TSHZ2: variants seen among roughly 807,000 people sequenced by gnomAD.
The protein encoded by TSHZ2 is teashirt homolog 2.
Under a neutral mutation model 74.4 loss-of-function variants are expected in TSHZ2, and 21 were observed. The observed-to-expected ratio is 0.28, with a 90% CI of 0.20 to 0.41. The LOEUF is 0.41. Among genes scored for constraint, TSHZ2 ranks in the 10% least tolerant of loss-of-function variants. TSHZ2 has a pLI of 1.00. For synonymous variants in TSHZ2, 540 were observed against 515.3 expected (o/e 1.05, Z -0.65); for missense variants, 1,244 against 1,293.5 (o/e 0.96, Z 0.59).
chr20:53,042,509 ATTG>A (rs1984077648), intron 1 of TSHZ2, among the ~76,000 whole-genome samples: 1 of 152,146 alleles, frequency 6.6e-6, no homozygotes, highest in Admixed American at 6.5e-5. Flanking sequence ...CAGTACTATT[ATTG>A]TTATTATGGA....
At chr20:53,065,407 C>CA (rs1439336225) in intron 1 of TSHZ2, among the ~76,000 whole-genome samples, 12 of 150,996 alleles carry the variant, frequency 7.9e-5, no homozygotes, top group Non-Finnish European at 1.3e-4. Flanking sequence ...GCAGAAGGAA[C>CA]AAAAAAAAGA....
In TSHZ2 at chr20:53,255,250, A is replaced by T. The variant is rs1990440251; in HGVS notation, c.1792A>T (p.Thr598Ser). Residue 598 changes from threonine (T) to serine (S), a missense_variant, in exon 2 of 3, where the codon ACT (threonine) becomes TCT (serine). Around this residue, in one of 6 missense-constraint regions of TSHZ2, gnomAD observed 562 missense variants for 544.0 expected, o/e 1.03. Transcript: ENST00000371497. This position sits in a 1 kb window ranked among gnomAD's most constrained non-coding sequence, Gnocchi z 4.1. ...TATGCCCACACACCTGGCCCCTTAC[A>T]CTCAAGTCAAGAAAGAGTCAGAAGA... The part of the protein sequence containing the change: ...VSMPTHLAPY[T>S]QVKKESEDKD... The T allele has an allele frequency of 6.2e-7, 1 of 1,614,202 alleles. No homozygotes were observed. Among genetic ancestry groups the T allele is most frequent in the Non-Finnish European group, 8.5e-7 (1 of 1,180,020 alleles).
intron 2 of TSHZ2, chr20:53,399,250 G>A (rs953048559): frequency 2.6e-5 from 4 of 152,160 alleles, no homozygotes; most frequent in South Asian, 2.1e-4. Flanking sequence ...AATAAAGGAC[G>A]AGTCTTTGAA....
intron 2 of TSHZ2, among the ~76,000 whole-genome samples, chr20:53,356,133 G>T (rs1980837795): frequency 6.6e-6 from 1 of 152,166 alleles, no homozygotes; most frequent in Admixed American, 6.6e-5. Flanking sequence ...TTTAATTGAT[G>T]CTATGATGTA....
intron 1 of TSHZ2, among the ~76,000 whole-genome samples, chr20:53,020,298 A>T (rs998852240): frequency 6.6e-6 from 1 of 152,044 alleles, no homozygotes; most frequent in Non-Finnish European, 1.5e-5. Context: ...TTTTATTCTC[A>T]TTCTTCCTTT....
intron 1 of TSHZ2, among the ~76,000 whole-genome samples, chr20:52,985,858 C>T (rs1284034612): frequency 6.6e-6 from 1 of 152,182 alleles, no homozygotes; most frequent in East Asian, 1.9e-4. Context: ...CAAGCCCAAC[C>T]TTGAACATTA....
rs181329715 is a variant in TSHZ2 at position 53,218,788 on chromosome 20, T to G, written c.41-34711T>G. 5.3e-5 allele frequency among the ~76,000 whole-genome samples: 8 copies of G among 152,330 alleles called. No individual in the cohort carries two copies. In the East Asian group the frequency reaches 1.3e-3, roughly 26 times the overall value. The stretch of plus-strand genomic sequence containing the variant: ...AATTCGAGAAAAATAAGAGAGAGCA[T>G]CTTTCTTTACAGTGATGAAGATATT... On this transcript the variant is annotated intron_variant, in intron 1 of 2. Coordinates refer to ENST00000371497, the MANE Select transcript of TSHZ2 (RefSeq NM_173485.6).
intron 1 of TSHZ2, among the ~76,000 whole-genome samples, chr20:53,053,697 ACT>A (rs1275843474): frequency 6.6e-6 from 1 of 152,052 alleles, no homozygotes; most frequent in Admixed American, 6.6e-5. Context: ...ATTTTAAAAG[ACT>A]CTTTGGAAAT....
intron 1 of TSHZ2, among the ~76,000 whole-genome samples, chr20:53,115,388 A>G (rs1986641146): frequency 6.6e-6 from 1 of 152,100 alleles, no homozygotes; most frequent in Non-Finnish European, 1.5e-5. Flanking sequence ...AATAAGTCTC[A>G]TGGGATCTGA....
chr20:53,406,406 G>A (rs1208211326), intron 2 of TSHZ2, among the ~76,000 whole-genome samples: 1 of 152,202 alleles, frequency 6.6e-6, no homozygotes, highest in Non-Finnish European at 1.5e-5. Flanking sequence ...TCTGGGTGTA[G>A]AGGCTGGATT....
intron 2 of TSHZ2, among the ~76,000 whole-genome samples, chr20:53,291,701 C>T (rs1362281505): frequency 1.3e-5 from 2 of 151,972 alleles, no homozygotes; most frequent in Non-Finnish European, 2.9e-5. Flanking sequence ...CTGTGCTGGA[C>T]GTTTGACTTT....
chr20:53,304,938 C>CTT (rs145371174), intron 2 of TSHZ2, among the ~76,000 whole-genome samples: 54 of 122,616 alleles, frequency 4.4e-4, no homozygotes, highest in African/African-American at 1.3e-3. Flanking sequence ...CCTTAATGAA[C>CTT]TTTTTTTTTT....
intron 1 of TSHZ2, among the ~76,000 whole-genome samples, chr20:52,978,770 G>A (rs1374583571): frequency 6.6e-6 from 1 of 152,006 alleles, no homozygotes; most frequent in Non-Finnish European, 1.5e-5. Flanking sequence ...AGTTGAGAAC[G>A]CTTTTATATT....
At chr20:53,017,020 A>C (rs1983062178) in intron 1 of TSHZ2, among the ~76,000 whole-genome samples, 1 of 152,170 alleles carries the variant, frequency 6.6e-6, no homozygotes, top group Admixed American at 6.5e-5. Flanking sequence ...AACTGTAAGA[A>C]ACCCTGTTCA....
intron 2 of TSHZ2, among the ~76,000 whole-genome samples, chr20:53,479,169 TAA>T (rs71194483): frequency 4.3e-4 from 54 of 126,198 alleles, no homozygotes; most frequent in Admixed American, 5.0e-4. Flanking sequence ...TGTCTCAATT[TAA>T]AAAAAAAAAA....
At chr20:53,142,568 A>G (rs1239927161) in intron 1 of TSHZ2, among the ~76,000 whole-genome samples, 1 of 152,236 alleles carries the variant, frequency 6.6e-6, no homozygotes, top group Non-Finnish European at 1.5e-5. Context: ...AAGTGGGGCT[A>G]TGTTACCTGA....
chr20:53,127,130 A>G (rs1195485653), intron 1 of TSHZ2, among the ~76,000 whole-genome samples: 3 of 152,260 alleles, frequency 2.0e-5, no homozygotes, highest in Admixed American at 6.5e-5. Flanking sequence ...TGGTATCTAT[A>G]GATGCACATG....
At chr20:53,282,345 A>G (rs1991078229) in intron 2 of TSHZ2, among the ~76,000 whole-genome samples, 1 of 152,246 alleles carries the variant, frequency 6.6e-6, no homozygotes, top group Admixed American at 6.5e-5. Flanking sequence ...GAAAGTGATC[A>G]GAGAAGCCTG....
intron 1 of TSHZ2, among the ~76,000 whole-genome samples, chr20:52,987,198 T>C (rs964088583): frequency 6.6e-6 from 1 of 152,190 alleles, no homozygotes. Context: ...TGGGAATGAT[T>C]TCCTGGTTTT....
Sources: allele counts gnomAD v4.1 joint callset (sites outside exome capture counted in the v4.1 genomes callset), GRCh38; gene constraint gnomAD v4.1.1; regional missense constraint gnomAD v4.1.1; non-coding constraint Gnocchi (gnomAD v3.1); transcripts MANE v1.5; gene names NCBI Gene and HGNC (gene_info 2026-07-23, HGNC 2026-07-21).